The following ZNF385D variants were observed in gnomAD, a reference collection of about 807,000 sequenced individuals.
ZNF385D encodes zinc finger protein 385D.
Under a neutral mutation model 35.8 loss-of-function variants are expected in ZNF385D, and 15 were observed. The ratio of observed to expected loss-of-function variants is 0.42; its 90% CI spans 0.28 to 0.64. The LOEUF (loss-of-function observed/expected upper bound fraction) is 0.64. Ranked by LOEUF, ZNF385D falls within the 30% of genes least tolerant of loss-of-function variation. The pLI is 0.23. For missense variants in ZNF385D, 474 were observed against 494.6 expected, an observed-to-expected ratio of 0.96 and a Z score of 0.39; for synonymous variants, 212 against 186.8, an observed-to-expected ratio of 1.13 and a Z score of -1.10.
At chr3:21,854,455 A>G (rs1188803668) in intron 3 of ZNF385D, among the ~76,000 whole-genome samples, 1 of 151,958 alleles carries the variant, frequency 6.6e-6, no homozygotes, top group Non-Finnish European at 1.5e-5. Flanking sequence ...CTTCATGGGC[A>G]CGCAACCTTG....
rs142038795 is a variant in ZNF385D, at chr3:22,086,875, T to A, written c.325+81942A>T. ...GCATGTTGTCACTCATAGGTGGGAA[T>A]TGAACAATGAGAACACTTGGACACA... On this transcript the variant is annotated intron_variant, in intron 3 of 5. Coordinates refer to the ZNF385D transcript ENST00000494108. 1.2e-4 allele frequency among the ~76,000 whole-genome samples: 18 copies of A among 152,078 alleles called. 1 individual carries two copies. Among genetic ancestry groups the A allele is most frequent in the Admixed American group, 5.9e-4 (9 of 15,276 alleles).
At chr3:21,858,134 C>G (rs530883671) in intron 3 of ZNF385D, among the ~76,000 whole-genome samples, 1 of 147,434 alleles carries the variant, frequency 6.8e-6, no homozygotes, top group East Asian at 2.0e-4. Flanking sequence ...TGCACTCATG[C>G]CTGGGACACA....
Position 21,556,073 on chromosome 3 carries a change from T to G in ZNF385D, c.276+8501A>C, listed in dbSNP as rs570851258. Among the ~76,000 whole-genome samples, 8 of 143,118 alleles carry G rather than the reference T, an allele frequency of 5.6e-5. No individual in the cohort carries two copies. In the South Asian group the frequency reaches 1.1e-3, roughly 19 times the overall value. 93.9% of individuals were successfully genotyped at this position (143,118 alleles called of 152,430 possible). A position where few individuals can be genotyped will look rare whatever the true frequency, so the allele number is the denominator to read the frequency against. The stretch of plus-strand genomic sequence containing the variant: ...TTGACGTTTTTTTTGTTTTTGTTTT[T>G]TTTTTTTTTTTTTTGTAAATTTAAG... On this transcript the variant is annotated intron_variant, in intron 3 of 7. Transcript: ENST00000281523.
intron 3 of ZNF385D, among the ~76,000 whole-genome samples, chr3:21,884,725 G>A (rs1698452788): frequency 6.6e-6 from 1 of 151,978 alleles, no homozygotes; most frequent in Non-Finnish European, 1.5e-5. Flanking sequence ...ATAATTGTGT[G>A]CTAACGCATA....
intron 2 of ZNF385D, among the ~76,000 whole-genome samples, chr3:21,655,508 G>A (rs983294881): frequency 2.0e-5 from 3 of 151,898 alleles, no homozygotes; most frequent in Non-Finnish European, 2.9e-5. Flanking sequence ...GCAAAAATAC[G>A]TGTGCTGGTG....
At chr3:22,199,912 T>C (rs570068632) in intron 2 of ZNF385D, among the ~76,000 whole-genome samples, 1 of 152,128 alleles carries the variant, frequency 6.6e-6, no homozygotes, top group Non-Finnish European at 1.5e-5. Context: ...GCAATGACTA[T>C]TTAATATTAT....
intron 3 of ZNF385D, among the ~76,000 whole-genome samples, chr3:22,068,866 C>T (rs1700094973): frequency 6.6e-6 from 1 of 152,294 alleles, no homozygotes. Context: ...ATAACAGTAG[C>T]ACAGATCACA....
chr3:21,975,937 C>A (rs547690564), intron 3 of ZNF385D, among the ~76,000 whole-genome samples: 4 of 152,136 alleles, frequency 2.6e-5, no homozygotes, highest in South Asian at 4.1e-4. Context: ...AAAAGCCAAA[C>A]ATACTTGAAG....
intron 5 of ZNF385D, among the ~76,000 whole-genome samples, chr3:21,432,075 G>C (rs567813202): frequency 9.8e-4 from 149 of 152,230 alleles, no homozygotes; most frequent in East Asian, 1.4e-3. Flanking sequence ...AGAAAGTTAT[G>C]AGCTCAGGCT....
chr3:22,002,960 C>G (rs932507277), intron 3 of ZNF385D, among the ~76,000 whole-genome samples: 4 of 152,090 alleles, frequency 2.6e-5, no homozygotes, highest in Non-Finnish European at 4.4e-5. Flanking sequence ...TAACTAACAG[C>G]TAATATCATG....
At chr3:22,083,245 C>T (rs1269276438) in intron 3 of ZNF385D, among the ~76,000 whole-genome samples, 1 of 152,182 alleles carries the variant, frequency 6.6e-6, no homozygotes, top group African/African-American at 2.4e-5. Context: ...GATGAGTTGA[C>T]AGAAGTAGGC....
At chr3:21,877,947 C>T (rs186525210) in intron 3 of ZNF385D, 2 of 152,026 alleles carry the variant, frequency 1.3e-5, no homozygotes, top group Admixed American at 1.3e-4. Flanking sequence ...TTAATTACAA[C>T]AGCAATGAAG....
At chr3:21,661,771 T>C (rs891324441) in intron 2 of ZNF385D, among the ~76,000 whole-genome samples, 9 of 152,146 alleles carry the variant, frequency 5.9e-5, no homozygotes, top group Admixed American at 5.2e-4. Context: ...GATAGTCTCA[T>C]TGAATGTCTT....
chr3:22,228,761 C>T (rs955552429), intron 2 of ZNF385D, among the ~76,000 whole-genome samples: 1 of 152,188 alleles, frequency 6.6e-6, no homozygotes, highest in African/African-American at 2.4e-5. Context: ...ATCTAATCAG[C>T]TGCCAGCACA....
intron 3 of ZNF385D, among the ~76,000 whole-genome samples, chr3:22,079,545 CAAA>C (rs1339139252): frequency 2.6e-5 from 4 of 151,820 alleles, no homozygotes; most frequent in Non-Finnish European, 4.4e-5. Flanking sequence ...TAGGACAAAA[CAAA>C]AAAGTTCCCT....
rs184538760 is a variant in ZNF385D, at chr3:21,895,026, T to G, written c.326-229998A>C. Among the ~76,000 whole-genome samples the G allele has an allele frequency of 1.2e-3, 185 of 151,786 alleles. 2 individuals carry two copies. Among genetic ancestry groups the G allele is most frequent in the African/African-American group, 3.8e-3 (158 of 41,364 alleles). ...AAAGTGAAGTAGGAATACCACAGAG[T>G]AAATAGCAGATAGGCCAGGGAGAGC... On this transcript the variant is annotated intron_variant, in intron 3 of 5. Coordinates refer to the ZNF385D transcript ENST00000494108.
intron 1 of ZNF385D, among the ~76,000 whole-genome samples, chr3:21,703,769 T>C (rs1465458821): frequency 6.6e-6 from 1 of 152,162 alleles, no homozygotes; most frequent in Non-Finnish European, 1.5e-5. Context: ...GCCAAATATG[T>C]TGTTATTTGT....
chr3:21,832,431 G>C (rs1695052117), intron 3 of ZNF385D, among the ~76,000 whole-genome samples: 1 of 152,166 alleles, frequency 6.6e-6, no homozygotes, highest in Admixed American at 6.6e-5. Flanking sequence ...GTGTTTATGA[G>C]TAGAAATTCC....
intron 3 of ZNF385D, among the ~76,000 whole-genome samples, chr3:21,927,273 CTT>C (rs71618874): frequency 1.1e-4 from 17 of 151,336 alleles, no homozygotes; most frequent in African/African-American, 3.9e-4. Context: ...AAATAAATCT[CTT>C]TTTTTTTAAT....
Sources: gnomAD v4.1 joint callset for allele counts (sites outside exome capture counted in the v4.1 genomes callset) on GRCh38, gnomAD v4.1.1 for gene constraint, MANE v1.5 for transcripts, NCBI Gene and HGNC (gene_info 2026-07-23, HGNC 2026-07-21) for gene names.